TRIP12: variants seen among roughly 807,000 people sequenced by gnomAD.
TRIP12 encodes thyroid hormone receptor interactor 12.
TRIP12 carries 25 observed loss-of-function variants against 244.2 expected under a neutral mutation model. The observed-to-expected ratio is 0.10, with a 90% CI of 0.07 to 0.14. The LOEUF is 0.14. Among genes scored for constraint, TRIP12 ranks in the 10% least tolerant of loss-of-function variants. The pLI, the probability that TRIP12 is intolerant of heterozygous loss-of-function variation, is 1.00. For synonymous variants in TRIP12, 905 were observed against 873.1 expected, an observed-to-expected ratio of 1.04 and a Z score of -0.64; for missense variants, 1,677 against 2,486.4, an observed-to-expected ratio of 0.67 and a Z score of 6.92.
rs1031718751 is a variant in TRIP12, at chr2:229,768,608, G to A, written c.6007+8C>T. The stretch of plus-strand genomic sequence containing the variant: ...AGAATAAATGCTAAACATCAACATC[G>A]TACCCACCTCCAACAGGCAATCTTG... On this transcript the variant is annotated splice_region_variant and intron_variant, in intron 41 of 41. Transcript: ENST00000675903. 15 of 1,611,048 alleles carry A rather than the reference G, an allele frequency of 9.3e-6. No individual in the cohort carries two copies. The highest frequency in any genetic ancestry group is 1.7e-4 in the Middle Eastern group (1 of 6,056).
intron 39 of TRIP12, among the ~76,000 whole-genome samples, 165 bp from the exon 40 acceptor site, chr2:229,769,490 A>T (rs2033366766): frequency 6.6e-6 from 1 of 151,638 alleles, no homozygotes; most frequent in Non-Finnish European, 1.5e-5. Context: ...AATAAAATAA[A>T]ATTTAGAGAT....
In TRIP12 at chr2:229,803,685, T is replaced by C. The variant is rs755810077; in HGVS notation, c.2884A>G (p.Ile962Val). The C allele has an allele frequency of 1.6e-5, 26 of 1,593,338 alleles. No homozygotes were observed. The Admixed American group carries it at 3.9e-4, about 24-fold the overall frequency. Reference sequence around the variant, plus strand: ...TCTTGGCTTGACAGCATGGAAGCAATGTGACTAAAAAAAGAAAGCATTTGT... The same window carrying C: ...TCTTGGCTTGACAGCATGGAAGCAACGTGACTAAAAAAAGAAAGCATTTGT... ...VLKNHAVSSH[I>V]ASMLSSQDLK... The change falls in exon 20 of 42, where the codon ATT (isoleucine) becomes GTT (valine). Residue 962 changes from isoleucine (I) to valine (V), a missense_variant. This residue lies in a region of TRIP12 where 572 missense variants were observed against 867.8 expected (regional missense o/e 0.66). Transcript: ENST00000675903.
rs1268798250 is a variant in TRIP12 at position 229,796,633 on chromosome 2, C to T, written c.3774G>A (p.Glu1258=). The T allele has an allele frequency of 1.2e-6, 2 of 1,607,298 alleles. No individual in the cohort carries two copies. The highest frequency in any genetic ancestry group is 1.7e-5 in the Admixed American group (1 of 57,734). The part of the protein sequence containing the change: ...SKSEKDAVSR[E]IRLKRFLHVF... Reference sequence around the variant, plus strand: ...CATGAAGAAATCGCTTTAATCTGATCTCTCTGCTCACAGCATCCTTTTCAC... The same window carrying T: ...CATGAAGAAATCGCTTTAATCTGATTTCTCTGCTCACAGCATCCTTTTCAC... The change falls in exon 25 of 42, where the codon GAG becomes GAA. Residue 1258 remains glutamate (E), a synonymous_variant. Coordinates refer to ENST00000675903, the MANE Select transcript of TRIP12 (RefSeq NM_001348323.3).
intron 6 of TRIP12, among the ~76,000 whole-genome samples, chr2:229,835,501 G>A (rs2054573697): frequency 6.6e-6 from 1 of 152,102 alleles, no homozygotes; most frequent in African/African-American, 2.4e-5. Context: ...GCCTGGCTTT[G>A]GGAAGTCACA....
At chr2:229,920,173 T>C (rs2076233999) in intron 1 of TRIP12, among the ~76,000 whole-genome samples, 1 of 152,162 alleles carries the variant, frequency 6.6e-6, no homozygotes, top group Non-Finnish European at 1.5e-5. Context: ...CCCCACTCAA[T>C]AGCTCTTTCA....
intron 31 of TRIP12, 143 bp from the exon 32 acceptor site, chr2:229,789,083 T>C (rs1575014999): frequency 2.7e-6 from 2 of 736,178 alleles, no homozygotes; most frequent in Non-Finnish European, 2.2e-6. Flanking sequence ...CAGCCTCTCA[T>C]TACTGTGTCC....
At chr2:229,840,986 A>C in intron 4 of TRIP12, 59 bp from the exon 5 acceptor site, 1 of 1,274,126 alleles carries the variant, frequency 7.8e-7, no homozygotes, top group Non-Finnish European at 1.1e-6. Flanking sequence ...CTAATTAAAA[A>C]TTATAAAATT....
chr2:229,860,819 AG>A (rs2154337420), intron 2 of TRIP12, among the ~76,000 whole-genome samples: 1 of 152,264 alleles, frequency 6.6e-6, no homozygotes, highest in South Asian at 2.1e-4. Context: ...CACATTTTTC[AG>A]CAATTTTAGT....
chr2:229,901,222 C>G (rs2070708094), intron 1 of TRIP12, among the ~76,000 whole-genome samples: 1 of 151,628 alleles, frequency 6.6e-6, no homozygotes, highest in Non-Finnish European at 1.5e-5. Context: ...TCATGAGCCA[C>G]CACACCCGGC....
chr2:229,861,730 G>A (rs1373914820), intron 2 of TRIP12, among the ~76,000 whole-genome samples: 1 of 151,966 alleles, frequency 6.6e-6, no homozygotes, highest in African/African-American at 2.4e-5. Flanking sequence ...CATCTTTCCA[G>A]AATTCATGAA....
intron 15 of TRIP12, among the ~76,000 whole-genome samples, chr2:229,810,467 A>G (rs910539598): frequency 6.6e-6 from 1 of 152,208 alleles, no homozygotes; most frequent in Admixed American, 6.5e-5. Flanking sequence ...ATACATTCCT[A>G]CTTTTTGAGG....
At chr2:229,828,273 T>C (rs1051816258) in intron 8 of TRIP12, among the ~76,000 whole-genome samples, 2 of 152,084 alleles carry the variant, frequency 1.3e-5, no homozygotes, top group East Asian at 1.9e-4. Context: ...TGTGTAAAGG[T>C]TGATGGTAAA....
chr2:229,886,310 T>TA (rs2065997734), intron 1 of TRIP12, among the ~76,000 whole-genome samples: 1 of 152,206 alleles, frequency 6.6e-6, no homozygotes. Flanking sequence ...TTTTTCCAGT[T>TA]AATCAGAAAA....
At chr2:229,789,820 C>T in intron 30 of TRIP12, 58 bp from the exon 31 acceptor site, 1 of 1,578,240 alleles carries the variant, frequency 6.3e-7, no homozygotes, top group Middle Eastern at 1.7e-4. Flanking sequence ...TAAGCCAGTG[C>T]AGCCAAGGTC....
At chr2:229,795,418 A>G (rs2042568979) in intron 25 of TRIP12, 88 bp from the exon 26 acceptor site, 1 of 1,424,750 alleles carries the variant, frequency 7.0e-7, no homozygotes, top group African/African-American at 1.4e-5. Context: ...GCAGCTTTAT[A>G]AAAGAGAATA....
intron 1 of TRIP12, among the ~76,000 whole-genome samples, chr2:229,908,282 T>C (rs1284211772): frequency 6.6e-6 from 1 of 152,162 alleles, no homozygotes; most frequent in Non-Finnish European, 1.5e-5. Flanking sequence ...AAGTGATACA[T>C]CAAAAAGGGA....
intron 38 of TRIP12, among the ~76,000 whole-genome samples, chr2:229,772,747 C>A (rs2034868138): frequency 6.6e-6 from 1 of 152,126 alleles, no homozygotes. Context: ...CAAGTGTGAG[C>A]CACCACGCCT....
chr2:229,897,872 T>C (rs999210306), intron 1 of TRIP12, among the ~76,000 whole-genome samples: 3 of 152,192 alleles, frequency 2.0e-5, no homozygotes, highest in African/African-American at 4.8e-5. Context: ...TGCAACATAA[T>C]ACCTAACACC....
chr2:229,922,513 G>A, upstream of TRIP12: 1 of 1,613,994 alleles, frequency 6.2e-7, no homozygotes, highest in Non-Finnish European at 8.5e-7. Context: ...GGCGTCCCAA[G>A]ATGGCGTCGT....
Sources: allele counts gnomAD v4.1 joint callset (sites outside exome capture counted in the v4.1 genomes callset), GRCh38; gene constraint gnomAD v4.1.1; regional missense constraint gnomAD v4.1.1; transcripts MANE v1.5; gene names NCBI Gene and HGNC (gene_info 2026-07-23, HGNC 2026-07-21).